CD63: variants seen among roughly 807,000 people sequenced by gnomAD.
CD63 encodes the protein CD63 molecule.
CD63 carries 16 observed loss-of-function variants against 29.2 expected under a neutral mutation model. That is an observed-to-expected ratio of 0.55 (90% CI 0.37 to 0.83). The LOEUF (loss-of-function observed/expected upper bound fraction) is 0.83, where lower values mean the gene tolerates loss of function less well. Among genes scored for constraint, CD63 ranks in the 40% least tolerant of loss-of-function variants. The pLI, the probability that CD63 is intolerant of heterozygous loss-of-function variation, is 0.00. For missense variants in CD63, 251 were observed against 297.3 expected (o/e 0.84, Z 1.15); for synonymous variants, 118 against 111.7 (o/e 1.06, Z -0.36).
At position 55,728,322 on chromosome 12, in the gene CD63, A is replaced by G; in HGVS notation, c.20T>C (p.Met7Thr). ...GTAGAGCAAGAACTTCACACATTTCATTCCTCCTTCCACCGCCATGGCTGC... is the reference window on the plus strand; with the variant it reads ...GTAGAGCAAGAACTTCACACATTTCGTTCCTCCTTCCACCGCCATGGCTGC... The part of the protein sequence containing the change: MAVEGG[M>T]KCVKFLLYVL... Residue 7 changes from methionine to threonine, a missense_variant, in exon 2 of 8, where the codon ATG becomes ACG. Coordinates refer to ENST00000257857, the MANE Select transcript of CD63 (RefSeq NM_001780.6). This position sits in a 1 kb window ranked among gnomAD's most constrained non-coding sequence, Gnocchi z 4.8. 2 of 1,611,078 alleles carry G rather than the reference A, an allele frequency of 1.2e-6. No homozygotes were observed. Among genetic ancestry groups the G allele is most frequent in the East Asian group, 2.2e-5 (1 of 44,806 alleles).
At position 55,726,691 on chromosome 12, in the gene CD63, C is replaced by G. The variant is rs2231466; in HGVS notation, c.426+9G>C. The G allele has an allele frequency of 1.6e-3, 2,632 of 1,609,206 alleles. 37 individuals carry two copies. In the African/African-American group the frequency reaches 0.031, roughly 19 times the overall value. On this transcript the variant is annotated intron_variant, in intron 5 of 7. Transcript: ENST00000257857. ...TCCCACCACCCCTGCTCCCAGCAAC[C>G]CCACTCACATCTGCCTGCATCCTGT...
Position 55,726,325 on chromosome 12 carries a change from A to G in CD63, c.427-64T>C, listed in dbSNP as rs191532151. On this transcript the variant is annotated intron_variant, in intron 5 of 7. Coordinates refer to ENST00000257857, the MANE Select transcript of CD63 (RefSeq NM_001780.6). Reference sequence around the variant, plus strand: ...GTGAACCTTCACCTTCAATATGGAGATGAGAATTCTTTTTTTTTTTTTTTT... The same window carrying G: ...GTGAACCTTCACCTTCAATATGGAGGTGAGAATTCTTTTTTTTTTTTTTTT... 2,950 of 578,010 alleles carry G rather than the reference A, an allele frequency of 5.1e-3. 15 individuals carry two copies. The highest frequency in any genetic ancestry group is 7.0e-3 in the Non-Finnish European group (2,264 of 324,310). 35.8% of individuals were successfully genotyped at this position (578,010 alleles called of 1,614,324 possible). A position where few individuals can be genotyped will look rare whatever the true frequency, so the allele number is the denominator to read the frequency against.
At position 55,728,429 on chromosome 12, in the gene CD63, C is replaced by T; in HGVS notation, c.-11-77G>A. On this transcript the variant is annotated intron_variant, in intron 1 of 7. Coordinates refer to ENST00000257857, the MANE Select transcript of CD63 (RefSeq NM_001780.6). This position sits in a 1 kb window ranked among gnomAD's most constrained non-coding sequence, Gnocchi z 4.8. ...GGTTTCCGGGCTCCCGGCCGGCCCT[C>T]GAGGGCTTCCCTTCACGGCCCCGAT... The T allele has an allele frequency of 6.5e-7, 1 of 1,541,888 alleles. No individual in the cohort carries two copies. The highest frequency in any genetic ancestry group is 8.7e-7 in the Non-Finnish European group (1 of 1,143,998).
In CD63 at chr12:55,727,248, AAC is replaced by A; in HGVS notation, c.156_157del (p.Leu53AlafsTer55). 2 of 1,613,906 alleles carry A rather than the reference AAC, an allele frequency of 1.2e-6. No individual in the cohort carries two copies. The highest frequency in any genetic ancestry group is 8.5e-7 in the Non-Finnish European group (1 of 1,179,980). Reference sequence around the variant, plus strand: ...ACCCACTGCGATGATGACCACTGGCAACAGAGAGCCAGGGGTAGCCCCCTGGA... The same window carrying A: ...ACCCACTGCGATGATGACCACTGGCAAGAGAGCCAGGGGTAGCCCCCTGGA... On this transcript the variant is annotated frameshift_variant, in exon 3 of 8. Transcript: ENST00000257857. LOFTEE classifies it high-confidence loss of function.
chr12:55,725,878 C>T lies in CD63; in HGVS notation c.586G>A (p.Gly196Arg). The change falls in exon 7 of 8, where the codon GGG (glycine) becomes AGG (arginine). Residue 196 changes from glycine to arginine, a missense_variant. By Grantham distance (125) the Gly-to-Arg change is moderately radical (BLOSUM62 -2). Transcript: ENST00000257857. ...IHKEGCVEKI[G>R]GWLRKNVLVV... ...AGCACATTTTTCCTCAGCCAGCCCCCAATCTTCTCCACACAGCCCTGAAGG... is the reference window on the plus strand; with the variant it reads ...AGCACATTTTTCCTCAGCCAGCCCCTAATCTTCTCCACACAGCCCTGAAGG... The T allele has an allele frequency of 6.2e-7, 1 of 1,614,110 alleles. No individual in the cohort carries two copies. The highest frequency in any genetic ancestry group is 1.3e-5 in the African/African-American group (1 of 75,036).
chr12:55,724,427 G>T (rs62638193), downstream of CD63: 9 of 1,614,126 alleles, frequency 5.6e-6, no homozygotes, highest in Non-Finnish European at 7.6e-6. Flanking sequence ...CCCCGAACCC[G>T]CTACAGCCCA....
intron 5 of CD63, 42 bp from the exon 6 acceptor site, chr12:55,726,303 A>T: frequency 1.4e-6 from 2 of 1,384,964 alleles, no homozygotes; most frequent in Non-Finnish European, 2.0e-6. Flanking sequence ...TTGTTAAGTG[A>T]ACCTTCACCT....
chr12:55,724,218 G>A, downstream of CD63: 2 of 1,453,680 alleles, frequency 1.4e-6, no homozygotes, highest in Non-Finnish European at 9.5e-7. Context: ...TCCCCACACT[G>A]AGGAGGGGAC....
chr12:55,729,193 C>A, upstream of CD63: 1 of 958,230 alleles, frequency 1.0e-6, no homozygotes, highest in Non-Finnish European at 1.2e-6. Flanking sequence ...CCACGTGGCC[C>A]CTACCCGGAA....
rs777731653 is a variant in CD63, at chr12:55,726,334, CTTTTTTTTT to C, written c.427-82_427-74del. ...CACCTTCAATATGGAGATGAGAATT[CTTTTTTTTT>C]TTTTTTTTTTTTTTTTGAGACAGAG... On this transcript the variant is annotated intron_variant, in intron 5 of 7. Coordinates refer to ENST00000257857, the MANE Select transcript of CD63 (RefSeq NM_001780.6). The C allele has an allele frequency of 1.3e-4, 37 of 288,118 alleles. No homozygotes were observed. The East Asian group carries it at 1.5e-3, about 11-fold the overall frequency. The allele number at this position is 288,118 out of a possible 1,614,324, so 17.8% of individuals were successfully genotyped here.
chr12:55,728,147 CTT>C lies in CD63; in HGVS notation c.66+127_66+128del. 1 of 926,452 alleles carries C rather than the reference CTT, an allele frequency of 1.1e-6. No homozygotes were observed. Among genetic ancestry groups the C allele is most frequent in the Non-Finnish European group, 1.7e-6 (1 of 594,534 alleles). The allele number at this position is 926,452 out of a possible 1,614,324, so 57.4% of individuals were successfully genotyped here. A position where few individuals can be genotyped will look rare whatever the true frequency, so the allele number is the denominator to read the frequency against. ...CTGGAGGAGGGAGTGGCTGCGCTGT[CTT>C]TCCCTGGCTTTCTTTCCACATCTGG... On this transcript the variant is annotated intron_variant, in intron 2 of 7. Coordinates refer to ENST00000257857, the MANE Select transcript of CD63 (RefSeq NM_001780.6). The surrounding 1 kb of genome is among the most constrained non-coding windows in gnomAD (Gnocchi z 4.8).
chr12:55,726,413 C>T, intron 5 of CD63, 152 bp from the exon 6 acceptor site: 1 of 708,480 alleles, frequency 1.4e-6, no homozygotes, highest in East Asian at 2.9e-5. Context: ...GGCTCAATCT[C>T]GGCTCACTGC....
chr12:55,726,217 G>A lies in CD63; in HGVS notation c.471C>T (p.Ile157=), dbSNP rs765555575. The A allele has an allele frequency of 1.2e-6, 2 of 1,613,882 alleles. No individual in the cohort carries two copies. Among genetic ancestry groups the A allele is most frequent in the South Asian group, 1.1e-5 (1 of 91,072 alleles). ...GAANYTDWEK[I]PSMSKNRVPD... ...GGACTCGGTTCTTCGACATGGAAGG[G>A]ATTTTCTCCCAATCTGTGTAGTTAG... The change falls in exon 6 of 8, where the codon ATC becomes ATT. Residue 157 remains isoleucine (I), a synonymous_variant. Coordinates refer to ENST00000257857, the MANE Select transcript of CD63 (RefSeq NM_001780.6).
At chr12:55,729,793 C>T (rs1490969643), upstream of CD63, 1 of 152,294 alleles carries the variant, frequency 6.6e-6, no homozygotes, top group East Asian at 1.9e-4. Flanking sequence ...GCCTCCCAGA[C>T]AGCTCCTGCA....
rs758273029 is a variant in CD63 at position 55,726,944 on chromosome 12, AAG to A, written c.274_275del (p.Leu92TyrfsTer16). The A allele has an allele frequency of 9.9e-6, 16 of 1,613,958 alleles. No homozygotes were observed. In the East Asian group the frequency reaches 3.6e-4, roughly 36 times the overall value. The part of the protein sequence containing the change: ...LMITFAIFLS[L>X]IMLVEVAAAI... The stretch of plus-strand genomic sequence containing the variant: ...CTGCGGCCACCTCCACCAACATGAT[AAG>A]AGACAGAAAGATGGCAAACTGCAGG... On this transcript the variant is annotated frameshift_variant, in exon 4 of 8. Coordinates refer to ENST00000257857, the MANE Select transcript of CD63 (RefSeq NM_001780.6). LOFTEE classifies it high-confidence loss of function.
At chr12:55,724,365 G>C (rs543433718), downstream of CD63, 8 of 1,614,056 alleles carry the variant, frequency 5.0e-6, no homozygotes, top group Non-Finnish European at 6.8e-6. Context: ...TCTGTGACCC[G>C]GACCTAACCA....
chr12:55,723,738 C>A, downstream of CD63: 1 of 877,530 alleles, frequency 1.1e-6, no homozygotes, highest in Non-Finnish European at 1.8e-6. Flanking sequence ...CTCTACCCCA[C>A]TTGACCCTTG....
downstream of CD63, chr12:55,724,180 G>C: frequency 3.4e-6 from 5 of 1,453,470 alleles, no homozygotes; most frequent in East Asian, 2.4e-5. Context: ...TGTTACAAGA[G>C]TGCCCAGGCC....
downstream of CD63, chr12:55,723,782 T>C (rs768161249): frequency 5.9e-6 from 8 of 1,345,544 alleles, no homozygotes; most frequent in African/African-American, 2.9e-5. Flanking sequence ...TCAAAACTCT[T>C]GTCCCTGGTC....
Sources: allele counts gnomAD v4.1 joint callset, GRCh38; gene constraint gnomAD v4.1.1; non-coding constraint Gnocchi (gnomAD v3.1); transcripts MANE v1.5; gene names NCBI Gene and HGNC (gene_info 2026-07-23, HGNC 2026-07-21).